The following PPP2R5A variants were observed in gnomAD, a reference collection of about 807,000 sequenced individuals.
PPP2R5A encodes the protein protein phosphatase 2 regulatory subunit B'alpha.
PPP2R5A carries 25 observed loss-of-function variants against 64.2 expected under a neutral mutation model. That is an observed-to-expected ratio of 0.39 (90% confidence interval 0.28 to 0.54). The LOEUF (loss-of-function observed/expected upper bound fraction) is 0.54. Ranked by LOEUF, PPP2R5A falls within the 20% of genes least tolerant of loss-of-function variation. PPP2R5A has a pLI of 0.67. For missense variants in PPP2R5A, 425 were observed against 576.3 expected (o/e 0.74, Z 2.69); for synonymous variants, 198 against 201.2 (o/e 0.98, Z 0.13).
At chr1:212,317,229 T>A (rs919930636) in intron 1 of PPP2R5A, among the ~76,000 whole-genome samples, 2 of 152,202 alleles carry the variant, frequency 1.3e-5, no homozygotes, top group African/African-American at 4.8e-5. Context: ...ATTGTGGGTT[T>A]TTATCTCTTT....
At chr1:212,289,550 A>AGTG (rs141894819) in intron 1 of PPP2R5A, among the ~76,000 whole-genome samples, 6,032 of 152,244 alleles carry the variant, frequency 0.04, 509 homozygotes, top group East Asian at 0.36. Context: ...AATTTGAAGC[A>AGTG]GTGTGATAGA....
At chr1:212,315,258 C>T (rs1188614373) in intron 1 of PPP2R5A, among the ~76,000 whole-genome samples, 5 of 152,172 alleles carry the variant, frequency 3.3e-5, no homozygotes, top group African/African-American at 1.2e-4. Context: ...TTTTTAAAAA[C>T]ATACCTGAGT....
intron 5 of PPP2R5A, 89 bp from the exon 6 acceptor site, chr1:212,347,258 T>A (rs1659798781): frequency 8.5e-6 from 8 of 942,836 alleles, no homozygotes; most frequent in African/African-American, 1.7e-5. Flanking sequence ...ATAGCTGTCC[T>A]TTGGATTGAT....
chr1:212,333,227 C>T (rs908257758), intron 2 of PPP2R5A, among the ~76,000 whole-genome samples: 2 of 151,934 alleles, frequency 1.3e-5, no homozygotes, highest in African/African-American at 4.8e-5. Flanking sequence ...AAGCAAAATT[C>T]GGAAAGAACA....
chr1:212,327,379 T>C (rs1421309454), intron 1 of PPP2R5A, among the ~76,000 whole-genome samples: 1 of 152,174 alleles, frequency 6.6e-6, no homozygotes, highest in Non-Finnish European at 1.5e-5. Context: ...ATCAATACAG[T>C]GTGTCCATAT....
chr1:212,350,687 C>T (rs549255444), intron 8 of PPP2R5A, among the ~76,000 whole-genome samples: 50 of 151,576 alleles, frequency 3.3e-4, no homozygotes, highest in African/African-American at 1.2e-3. Flanking sequence ...AACCTTAATA[C>T]AAATCTATGA....
chr1:212,339,147 A>C (rs769584050), intron 3 of PPP2R5A, among the ~76,000 whole-genome samples: 2 of 151,950 alleles, frequency 1.3e-5, no homozygotes, highest in African/African-American at 2.4e-5. Context: ...TGTTTCTTCT[A>C]CCTCTATTTG....
At chr1:212,321,698 T>A (rs1164076795) in intron 1 of PPP2R5A, among the ~76,000 whole-genome samples, 1 of 140,972 alleles carries the variant, frequency 7.1e-6, no homozygotes, top group Admixed American at 6.9e-5. Context: ...CTCCTCACTT[T>A]CCAGACTGGG....
chr1:212,313,140 G>A (rs940569919), intron 1 of PPP2R5A, among the ~76,000 whole-genome samples: 5 of 152,036 alleles, frequency 3.3e-5, no homozygotes, highest in African/African-American at 1.2e-4. Context: ...TCTCTCTCTG[G>A]AGAGCCCTAG....
At chr1:212,305,073 C>G (rs1558141247) in intron 1 of PPP2R5A, among the ~76,000 whole-genome samples, 2 of 137,898 alleles carry the variant, frequency 1.5e-5, no homozygotes, top group Admixed American at 1.5e-4. Flanking sequence ...GAGTCTCGCT[C>G]TCTGTCAGGC....
At chr1:212,356,878 T>A (rs1173230068) in intron 9 of PPP2R5A, 72 bp from the exon 10 acceptor site, 5 of 1,369,424 alleles carry the variant, frequency 3.7e-6, no homozygotes, top group Non-Finnish European at 4.9e-6. Context: ...ATTAACCTTC[T>A]CATTTGTATG....
chr1:212,342,230 T>C lies in PPP2R5A; in HGVS notation c.523T>C (p.Phe175Leu). 1 of 1,613,752 alleles carries C rather than the reference T, an allele frequency of 6.2e-7. No homozygotes were observed. The highest frequency in any genetic ancestry group is 8.5e-7 in the Non-Finnish European group (1 of 1,179,842). Residue 175 changes from phenylalanine to leucine, a missense_variant, in exon 4 of 13, where the codon TTC becomes CTC. Transcript: ENST00000261461. ...CTTGAGATTTTTGGAGAGCCCTGAT[T>C]TCCAGCCTAGCATTGCAAAACGATA... ...FFLRFLESPD[F>L]QPSIAKRYID...
intron 8 of PPP2R5A, chr1:212,352,961 G>C (rs1659913999): frequency 1.9e-6 from 1 of 516,822 alleles, no homozygotes; most frequent in Non-Finnish European, 3.9e-6. Context: ...CCATTGGGAG[G>C]AAAAATGACA....
At chr1:212,301,735 T>C in intron 1 of PPP2R5A, 1 of 873,132 alleles carries the variant, frequency 1.1e-6, no homozygotes, top group South Asian at 5.0e-5. Flanking sequence ...CTATATTCTG[T>C]GCCAGTTTCT....
intron 1 of PPP2R5A, among the ~76,000 whole-genome samples, chr1:212,297,118 TTTTTTTTTTTTTTTTTTTTTG>T (rs1317812287): frequency 7.2e-4 from 16 of 22,312 alleles, no homozygotes; most frequent in African/African-American, 1.3e-3. Flanking sequence ...TTTTTTTTTT[TTTTTTTTTTTTTTTTTTTTTG>T]GAGACGGAGT....
chr1:212,331,146 C>T (rs12737825), intron 2 of PPP2R5A, among the ~76,000 whole-genome samples: 24,458 of 140,274 alleles, frequency 0.17, 2,471 homozygotes, highest in Middle Eastern at 0.32. Context: ...CCAGGCTGGG[C>T]GACAGAATGA....
Position 212,360,657 on chromosome 1 carries a change from G to C in PPP2R5A, c.1348G>C (p.Glu450Gln), listed in dbSNP as rs755132136. ...ERQREKKKEL[E>Q]REELWKKLEE... ...CTACAGAGAGAAAAAGAAGGAATTG[G>C]AACGTGAAGAATTATGGAAAAAATT... Residue 450 changes from glutamate (E) to glutamine (Q), a missense_variant, in exon 13 of 13, where the codon GAA becomes CAA. Physicochemically the swap from Glu to Gln is conservative, Grantham distance 29 (BLOSUM62 2). Around this residue, in one of 4 missense-constraint regions of PPP2R5A, gnomAD observed 177 missense variants for 244.8 expected, o/e 0.72. Transcript: ENST00000261461. 6.4e-7 allele frequency: 1 copy of C among 1,572,208 alleles called. No homozygotes were observed. The highest frequency in any genetic ancestry group is 8.6e-7 in the Non-Finnish European group (1 of 1,163,636).
At position 212,347,410 on chromosome 1, in the gene PPP2R5A, G is replaced by A. The variant is rs1384642839; in HGVS notation, c.764+4G>A. ...AACTTCTTGAAATATTAGGAAGGTA[G>A]GTCAGGTTTTTTTGTTCTTTTTAAG... is the stretch of plus-strand genomic sequence containing the variant. On this transcript the variant is annotated splice_donor_region_variant and intron_variant, in intron 6 of 12. Transcript: ENST00000261461. 1.3e-6 allele frequency: 2 copies of A among 1,586,504 alleles called. No homozygotes were observed. The highest frequency in any genetic ancestry group is 1.7e-6 in the Non-Finnish European group (2 of 1,158,180).
intron 1 of PPP2R5A, among the ~76,000 whole-genome samples, chr1:212,303,301 A>G (rs987426500): frequency 1.3e-5 from 2 of 152,186 alleles, no homozygotes; most frequent in African/African-American, 2.4e-5. Context: ...GTGAACTAGT[A>G]TCTCTTCGTG....
Sources: allele counts gnomAD v4.1 joint callset (sites outside exome capture counted in the v4.1 genomes callset), GRCh38; gene constraint gnomAD v4.1.1; regional missense constraint gnomAD v4.1.1; transcripts MANE v1.5; gene names NCBI Gene and HGNC (gene_info 2026-07-23, HGNC 2026-07-21).